The following ANO3 variants were observed in gnomAD, a reference collection of about 807,000 sequenced individuals.
ANO3 encodes the protein anoctamin 3.
Under a neutral mutation model 144.8 loss-of-function variants are expected in ANO3, and 99 were observed. The ratio of observed to expected loss-of-function variants is 0.68; its 90% CI spans 0.58 to 0.81. ANO3 has a LOEUF of 0.81. Among genes scored for constraint, ANO3 ranks in the 30% least tolerant of loss-of-function variants. The pLI is 0.00. For missense variants in ANO3, 905 were observed against 1,202.2 expected (o/e 0.75, Z 3.66); for synonymous variants, 414 against 392.6 (o/e 1.05, Z -0.64).
intron 1 of ANO3, among the ~76,000 whole-genome samples, chr11:26,356,252 C>T (rs1438224708): frequency 6.6e-6 from 1 of 151,956 alleles, no homozygotes; most frequent in Non-Finnish European, 1.5e-5. Context: ...TTATTGAGCA[C>T]AAATTGTAAA....
At chr11:26,495,136 G>T (rs1026765201) in intron 4 of ANO3, among the ~76,000 whole-genome samples, 1 of 149,584 alleles carries the variant, frequency 6.7e-6, no homozygotes, top group African/African-American at 2.5e-5. Flanking sequence ...ACAGGGTCTT[G>T]CTTTGTCATC....
chr11:26,322,788 T>A (rs1251245181), intron 1 of ANO3, among the ~76,000 whole-genome samples: 2 of 152,148 alleles, frequency 1.3e-5, no homozygotes, highest in Non-Finnish European at 2.9e-5. Flanking sequence ...TTTCCCATAC[T>A]GTACTCATAA....
chr11:26,476,642 G>A (rs770448360), intron 4 of ANO3, among the ~76,000 whole-genome samples: 104 of 150,736 alleles, frequency 6.9e-4, no homozygotes, highest in Non-Finnish European at 1.1e-3. Context: ...GCCCCTTTGG[G>A]TGGGGAAACA....
intron 3 of ANO3, among the ~76,000 whole-genome samples, chr11:26,452,491 TG>T (rs1470773893): frequency 1.3e-5 from 2 of 151,890 alleles, no homozygotes; most frequent in Admixed American, 1.3e-4. Flanking sequence ...TGATAGAAGA[TG>T]AAACGAATGA....
chr11:26,241,600 A>G (rs1312472098), intron 1 of ANO3, among the ~76,000 whole-genome samples: 1 of 152,204 alleles, frequency 6.6e-6, no homozygotes, highest in Non-Finnish European at 1.5e-5. Flanking sequence ...GATATAGACT[A>G]ATAACTTCAG....
rs372636245 is a variant in ANO3 at position 26,368,481 on chromosome 11, G to T, written c.46+36160G>T. ...AATAGAATTGGCAAAATTAGTTTTT[G>T]ATTTTTACCTAGTTTTATATGGAAT... On this transcript the variant is annotated intron_variant, in intron 1 of 26. Coordinates refer to ENST00000256737, the MANE Select transcript of ANO3 (RefSeq NM_031418.4). 1.4e-4 allele frequency among the ~76,000 whole-genome samples: 22 copies of T among 152,150 alleles called. No individual in the cohort carries two copies. The East Asian group carries it at 4.3e-3, about 29-fold the overall frequency.
intron 14 of ANO3, among the ~76,000 whole-genome samples, chr11:26,569,876 A>G (rs1850750745): frequency 6.6e-6 from 1 of 152,034 alleles, no homozygotes; most frequent in Non-Finnish European, 1.5e-5. Flanking sequence ...GATGAAAGAA[A>G]AGTAGAATTG....
At chr11:26,580,898 C>G (rs1021893239) in intron 14 of ANO3, among the ~76,000 whole-genome samples, 1 of 152,150 alleles carries the variant, frequency 6.6e-6, no homozygotes, top group Admixed American at 6.5e-5. Context: ...AAGTCACAGG[C>G]CTTTGAACTG....
intron 1 of ANO3, among the ~76,000 whole-genome samples, chr11:26,252,844 G>A (rs1852965560): frequency 6.6e-6 from 1 of 152,174 alleles, no homozygotes; most frequent in East Asian, 1.9e-4. Context: ...CATTTAAGGT[G>A]TAATATTAGT....
Position 26,621,343 on chromosome 11 carries a change from C to A in ANO3, c.1837-3119C>A, listed in dbSNP as rs1017368889. Among the ~76,000 whole-genome samples the A allele has an allele frequency of 3.9e-5, 6 of 152,222 alleles. No homozygotes were observed. The East Asian group carries it at 7.7e-4, about 20-fold the overall frequency. ...ACTTCACTGTCTTATTGCTGCCACT[C>A]CTTTCTCTCTAACTTCCCTGCCCTT... On this transcript the variant is annotated intron_variant, in intron 17 of 26. Coordinates refer to ENST00000256737, the MANE Select transcript of ANO3 (RefSeq NM_031418.4).
intron 17 of ANO3, among the ~76,000 whole-genome samples, chr11:26,602,588 C>CTT (rs113082487): frequency 0.44 from 61,209 of 138,754 alleles, 14,313 homozygotes; most frequent in East Asian, 0.67. Context: ...CTTTTCTTTT[C>CTT]TTTTTTTTTT....
In ANO3 at chr11:26,663,107, A is replaced by G. The variant is rs960274258; in HGVS notation, c.*2663A>G. On this transcript the variant is annotated 3_prime_UTR_variant, in exon 27 of 27. Coordinates refer to ENST00000256737, the MANE Select transcript of ANO3 (RefSeq NM_031418.4). ...GAAAATCACCATAGATCATGGCTGAAATAGTTTGTAATTGTCTGAGTCTGT... is the reference window on the plus strand; with the variant it reads ...GAAAATCACCATAGATCATGGCTGAGATAGTTTGTAATTGTCTGAGTCTGT... 1.3e-5 allele frequency: 2 copies of G among 152,314 alleles called. No individual in the cohort carries two copies. The highest frequency in any genetic ancestry group is 2.9e-5 in the Non-Finnish European group (2 of 67,980). The allele number at this position is 152,314 out of a possible 1,614,324, so 9.4% of individuals were successfully genotyped here.
intron 3 of ANO3, among the ~76,000 whole-genome samples, chr11:26,461,678 CAT>C (rs1220813863): frequency 6.6e-6 from 1 of 151,998 alleles, no homozygotes; most frequent in Non-Finnish European, 1.5e-5. Context: ...ATGGGGGAAA[CAT>C]ATTATATTCA....
intron 5 of ANO3, among the ~76,000 whole-genome samples, 191 bp from the exon 6 acceptor site, chr11:26,516,636 T>A (rs935935423): frequency 2.6e-5 from 4 of 151,964 alleles, no homozygotes; most frequent in Admixed American, 2.6e-4. Flanking sequence ...TTCTACACGA[T>A]GTCATTATTA....
chr11:26,290,942 T>C (rs985505928), intron 1 of ANO3, among the ~76,000 whole-genome samples: 1 of 152,206 alleles, frequency 6.6e-6, no homozygotes, highest in African/African-American at 2.4e-5. Context: ...GGTGCAGAGC[T>C]GAGTCAAGTC....
intron 1 of ANO3, among the ~76,000 whole-genome samples, chr11:26,424,332 C>G (rs1857856490): frequency 6.6e-6 from 1 of 151,078 alleles, no homozygotes; most frequent in Non-Finnish European, 1.5e-5. Context: ...GTCACTTCTT[C>G]TGAGAAAATT....
At chr11:26,288,762 A>G (rs979676486) in intron 1 of ANO3, among the ~76,000 whole-genome samples, 1 of 152,116 alleles carries the variant, frequency 6.6e-6, no homozygotes, top group African/African-American at 2.4e-5. Context: ...TGCCACCTGA[A>G]TACACGAAAT....
chr11:26,490,955 T>C (rs943719293), intron 4 of ANO3, among the ~76,000 whole-genome samples: 7 of 152,218 alleles, frequency 4.6e-5, no homozygotes, highest in Non-Finnish European at 7.3e-5. Context: ...TGGTTCTTAA[T>C]AGTGGGAGGC....
chr11:26,247,973 C>G (rs375363897), intron 1 of ANO3, among the ~76,000 whole-genome samples: 1 of 151,634 alleles, frequency 6.6e-6, no homozygotes, highest in African/African-American at 2.4e-5. Flanking sequence ...CCTCGTGATC[C>G]GCCCGCCTCG....
Sources: allele counts gnomAD v4.1 joint callset (sites outside exome capture counted in the v4.1 genomes callset), GRCh38; gene constraint gnomAD v4.1.1; transcripts MANE v1.5; gene names NCBI Gene and HGNC (gene_info 2026-07-23, HGNC 2026-07-21).